The following CCDC149 variants were observed in gnomAD, a reference collection of about 807,000 sequenced individuals.
CCDC149 encodes the protein coiled-coil domain-containing protein 149.
Under a neutral mutation model 59.9 loss-of-function variants are expected in CCDC149, and 45 were observed. The observed-to-expected ratio is 0.75, with a 90% CI of 0.59 to 0.96. The LOEUF (loss-of-function observed/expected upper bound fraction) is 0.96. Ranked by LOEUF, CCDC149 falls within the 40% of genes least tolerant of loss-of-function variation. CCDC149 has a pLI of 0.00. For synonymous variants in CCDC149, 245 were observed against 260.6 expected (o/e 0.94, Z 0.58); for missense variants, 584 against 664.7 (o/e 0.88, Z 1.33).
chr4:24,943,767 C>T (rs1182821925), intron 1 of CCDC149, among the ~76,000 whole-genome samples: 1 of 152,200 alleles, frequency 6.6e-6, no homozygotes, highest in African/African-American at 2.4e-5. Context: ...TGAACAGACA[C>T]TTCTCAAAAG....
rs372911321 is a variant in CCDC149, at chr4:24,838,233, C to A, written c.412G>T (p.Glu138Ter). The stretch of plus-strand genomic sequence containing the variant: ...GCAAAGTGTCGCACGCCGATTGCTT[C>A]GTCTCCGAGCCTTTGTTTGGCAATC... The change falls in exon 5 of 13, where the codon GAA (glutamate) becomes TAA (stop). Residue 138 changes from glutamate to a stop codon, truncating the protein, a stop_gained. Coordinates refer to ENST00000635206, the MANE Select transcript of CCDC149 (RefSeq NM_001330643.2). LOFTEE classifies it high-confidence loss of function. The A allele has an allele frequency of 6.2e-7, 1 of 1,614,136 alleles. No homozygotes were observed. Among genetic ancestry groups the A allele is most frequent in the Non-Finnish European group, 8.5e-7 (1 of 1,180,024 alleles).
intron 1 of CCDC149, among the ~76,000 whole-genome samples, chr4:24,973,062 T>C (rs1724028732): frequency 6.6e-6 from 1 of 152,168 alleles, no homozygotes; most frequent in Non-Finnish European, 1.5e-5. Context: ...TGATTCCAGG[T>C]CTTTAGATAA....
intron 3 of CCDC149, 115 bp from the exon 4 acceptor site, chr4:24,853,294 C>T (rs1717784255): frequency 5.3e-6 from 4 of 755,282 alleles, no homozygotes; most frequent in Non-Finnish European, 9.2e-6. Context: ...ACACAAAGCC[C>T]GTTATAGTAA....
At chr4:24,813,557 A>C (rs2109092194) in intron 12 of CCDC149, among the ~76,000 whole-genome samples, 1 of 147,362 alleles carries the variant, frequency 6.8e-6, no homozygotes, top group South Asian at 2.1e-4. Flanking sequence ...TAATCTAACA[A>C]GTTTGAATTA....
intron 1 of CCDC149, among the ~76,000 whole-genome samples, chr4:24,903,803 T>G (rs937219519): frequency 1.8e-5 from 2 of 112,362 alleles, no homozygotes; most frequent in Non-Finnish European, 4.1e-5. Context: ...TTTTTAGCTT[T>G]TTTTTTTTTT....
intron 1 of CCDC149, among the ~76,000 whole-genome samples, chr4:24,975,890 G>A (rs1724169696): frequency 6.6e-6 from 1 of 151,846 alleles, no homozygotes; most frequent in African/African-American, 2.4e-5. Flanking sequence ...CTGGTTGGGG[G>A]TCCTGGGAAG....
At chr4:24,880,399 G>A (rs1433975257) in intron 1 of CCDC149, among the ~76,000 whole-genome samples, 1 of 152,188 alleles carries the variant, frequency 6.6e-6, no homozygotes, top group African/African-American at 2.4e-5. Context: ...TTCTCAGAAA[G>A]CAACCCCGTC....
intron 12 of CCDC149, among the ~76,000 whole-genome samples, chr4:24,809,582 C>G (rs986588050): frequency 1.3e-5 from 2 of 151,346 alleles, no homozygotes; most frequent in Non-Finnish European, 2.9e-5. Flanking sequence ...TGGGGAGCAG[C>G]ATGGCGGAGC....
intron 1 of CCDC149, among the ~76,000 whole-genome samples, chr4:24,966,681 G>C (rs1723813577): frequency 6.6e-6 from 1 of 152,226 alleles, no homozygotes; most frequent in South Asian, 2.1e-4. Context: ...TCTTAAATTT[G>C]TGGAGACAGT....
chr4:24,824,806 C>G (rs920332135), intron 9 of CCDC149, among the ~76,000 whole-genome samples: 1 of 152,232 alleles, frequency 6.6e-6, no homozygotes, highest in Non-Finnish European at 1.5e-5. Context: ...ACCAATACCC[C>G]ATAATGGCAC....
At chr4:24,874,025 A>T (rs1356095329) in intron 2 of CCDC149, among the ~76,000 whole-genome samples, 1 of 152,214 alleles carries the variant, frequency 6.6e-6, no homozygotes, top group African/African-American at 2.4e-5. Context: ...CTAAACTGAA[A>T]TAATATTTCA....
Position 24,972,819 on chromosome 4 carries a change from T to A in CCDC149, c.-65+7250A>T, listed in dbSNP as rs13111627. Among the ~76,000 whole-genome samples, 65 of 152,184 alleles carry A rather than the reference T, an allele frequency of 4.3e-4. 1 individual carries two copies. Among genetic ancestry groups the A allele is most frequent in the African/African-American group, 1.5e-3 (63 of 41,500 alleles). ...GTCACACTTTGAAATAGCCTGCAAC[T>A]TTGTTTTTGTGGTGGAATTGCATCT... On this transcript the variant is annotated intron_variant, in intron 1 of 12. Coordinates refer to the CCDC149 transcript ENST00000389609.
At chr4:24,824,166 T>C (rs556346415) in intron 9 of CCDC149, among the ~76,000 whole-genome samples, 3 of 152,286 alleles carry the variant, frequency 2.0e-5, no homozygotes, top group African/African-American at 4.8e-5. Flanking sequence ...TGAAGAGATA[T>C]TGGGTTATAT....
chr4:24,831,382 T>TC, intron 9 of CCDC149, 124 bp downstream of exon 9: 1 of 916,884 alleles, frequency 1.1e-6, no homozygotes. Context: ...TAAGTTTCCT[T>TC]CTTGATTTGA....
intron 4 of CCDC149, among the ~76,000 whole-genome samples, chr4:24,843,273 A>G (rs1717050176): frequency 2.6e-5 from 4 of 152,200 alleles, no homozygotes; most frequent in Admixed American, 2.6e-4. Flanking sequence ...ATTAACAGGA[A>G]GTGGATGCTA....
intron 1 of CCDC149, among the ~76,000 whole-genome samples, chr4:24,969,437 T>C (rs1723897130): frequency 6.6e-6 from 1 of 152,120 alleles, no homozygotes; most frequent in Non-Finnish European, 1.5e-5. Flanking sequence ...GGAAAACAGG[T>C]ACAATAATGG....
chr4:24,888,080 G>A (rs527377193), intron 1 of CCDC149, among the ~76,000 whole-genome samples: 1 of 152,262 alleles, frequency 6.6e-6, no homozygotes, highest in African/African-American at 2.4e-5. Context: ...GGTACACTTA[G>A]AGTAGCACTC....
At position 24,895,843 on chromosome 4, in the gene CCDC149, G is replaced by A. The variant is rs565803043; in HGVS notation, c.63+16974C>T. On this transcript the variant is annotated intron_variant, in intron 1 of 12. Transcript: ENST00000635206. ...TTCAGGATGACCTGACCCCACTCTT[G>A]AGGACTCCTTAGCCCACTGTTGCTC... Among the ~76,000 whole-genome samples the A allele has an allele frequency of 2.5e-4, 38 of 152,316 alleles. 1 individual carries two copies. In the South Asian group the frequency reaches 7.9e-3, roughly 32 times the overall value.
intron 1 of CCDC149, among the ~76,000 whole-genome samples, chr4:24,923,185 C>G (rs560598543): frequency 6.6e-6 from 1 of 152,314 alleles, no homozygotes; most frequent in Non-Finnish European, 1.5e-5. Flanking sequence ...GACAAGGTCA[C>G]AGGCTGATAC....
Sources: allele counts gnomAD v4.1 joint callset (sites outside exome capture counted in the v4.1 genomes callset), GRCh38; gene constraint gnomAD v4.1.1; transcripts MANE v1.5; gene names NCBI Gene and HGNC (gene_info 2026-07-23, HGNC 2026-07-21).